GUCY1B1: variants seen among roughly 807,000 people sequenced by gnomAD.
The protein encoded by GUCY1B1 is guanylate cyclase soluble subunit beta-1.
Under a neutral mutation model 71.0 loss-of-function variants are expected in GUCY1B1, and 43 were observed. That is an observed-to-expected ratio of 0.61 (90% CI 0.47 to 0.78). The LOEUF (loss-of-function observed/expected upper bound fraction) is 0.78, where lower values mean the gene tolerates loss of function less well. Among genes scored for constraint, GUCY1B1 ranks in the 30% least tolerant of loss-of-function variants. The pLI, the probability that GUCY1B1 is intolerant of heterozygous loss-of-function variation, is 0.00. For missense variants in GUCY1B1, 535 were observed against 754.1 expected, an observed-to-expected ratio of 0.71 and a Z score of 3.40; for synonymous variants, 266 against 259.7, an observed-to-expected ratio of 1.02 and a Z score of -0.23.
Position 155,770,863 on chromosome 4 carries a change from T to A in GUCY1B1, c.78-4105T>A, listed in dbSNP as rs114669053. 4.0e-3 allele frequency among the ~76,000 whole-genome samples: 606 copies of A among 152,268 alleles called. 7 individuals are homozygous for A. The highest frequency in any genetic ancestry group is 0.014 in the African/African-American group (584 of 41,552). ...CAGCCCCTTCCTCTTGCATTTCCAC[T>A]CTCATGTCTTTATCCAGAGCTACCT... On this transcript the variant is annotated intron_variant, in intron 2 of 13. Coordinates refer to ENST00000264424, the MANE Select transcript of GUCY1B1 (RefSeq NM_000857.5).
intron 4 of GUCY1B1, among the ~76,000 whole-genome samples, chr4:155,785,975 C>T (rs1738732670): frequency 6.6e-6 from 1 of 151,988 alleles, no homozygotes; most frequent in South Asian, 2.1e-4. Flanking sequence ...TTTTGGTATC[C>T]TTTGGTGAGG....
At position 155,804,728 on chromosome 4, in the gene GUCY1B1, G is replaced by A; in HGVS notation, c.1690G>A (p.Val564Met). The change falls in exon 12 of 14, where the codon GTG becomes ATG. Residue 564 changes from valine to methionine, a missense_variant. Transcript: ENST00000264424. ...CACAGGAGAAAAGGGAAAAATAAATGTGTCTGAATATACATACAGGTGAGA... is the reference window on the plus strand; with the variant it reads ...CACAGGAGAAAAGGGAAAAATAAATATGTCTGAATATACATACAGGTGAGA... ...ETTGEKGKIN[V>M]SEYTYRCLMS... 6.2e-7 allele frequency: 1 copy of A among 1,612,940 alleles called. No homozygotes were observed. The highest frequency in any genetic ancestry group is 8.5e-7 in the Non-Finnish European group (1 of 1,179,282).
Position 155,802,264 on chromosome 4 carries a change from G to C in GUCY1B1, c.1176-78G>C. 2 of 1,587,060 alleles carry C rather than the reference G, an allele frequency of 1.3e-6. No individual in the cohort carries two copies. The highest frequency in any genetic ancestry group is 1.7e-6 in the Non-Finnish European group (2 of 1,168,058). On this transcript the variant is annotated intron_variant, in intron 9 of 13. Coordinates refer to ENST00000264424, the MANE Select transcript of GUCY1B1 (RefSeq NM_000857.5). The surrounding 1 kb of genome is among the most constrained non-coding windows in gnomAD (Gnocchi z 4.3). The stretch of plus-strand genomic sequence containing the variant: ...TTAAAGTACAAACGACACTGATGCT[G>C]TGTGAAAAGGACAGCAGAAGCACTA...
chr4:155,779,642 A>G (rs1161259046), intron 4 of GUCY1B1, among the ~76,000 whole-genome samples: 13 of 152,202 alleles, frequency 8.5e-5, no homozygotes, highest in Admixed American at 8.5e-4. Context: ...ATACATTTTA[A>G]GGGCAAATTG....
intron 6 of GUCY1B1, 134 bp downstream of exon 6, chr4:155,794,220 A>G (rs1739385715): frequency 1.8e-6 from 1 of 561,906 alleles, no homozygotes; most frequent in Non-Finnish European, 3.1e-6. Flanking sequence ...AGTTACACAA[A>G]TTGTTTAATT....
chr4:155,788,917 G>C (rs968669180), intron 4 of GUCY1B1, among the ~76,000 whole-genome samples: 1 of 151,164 alleles, frequency 6.6e-6, no homozygotes, highest in African/African-American at 2.4e-5. Context: ...ATCATCTTGG[G>C]CCACATAAAA....
intron 4 of GUCY1B1, among the ~76,000 whole-genome samples, chr4:155,784,535 G>T (rs1232098599): frequency 2.0e-5 from 3 of 152,016 alleles, no homozygotes; most frequent in African/African-American, 7.2e-5. Flanking sequence ...TTTTTCAGAG[G>T]TGTGAGGGAT....
chr4:155,759,941 C>T (rs1736857797), intron 2 of GUCY1B1, 81 bp downstream of exon 2: 2 of 1,036,052 alleles, frequency 1.9e-6, no homozygotes, highest in Non-Finnish European at 3.0e-6. Context: ...GGTCCTCAGC[C>T]TGCTGGCCGG....
intron 5 of GUCY1B1, among the ~76,000 whole-genome samples, chr4:155,793,055 C>T (rs895280231): frequency 2.6e-5 from 4 of 151,998 alleles, no homozygotes; most frequent in African/African-American, 9.7e-5. Flanking sequence ...TTTTCAGTAC[C>T]TTACCCAATT....
intron 4 of GUCY1B1, among the ~76,000 whole-genome samples, chr4:155,786,270 C>A (rs1738757927): frequency 1.2e-5 from 1 of 83,882 alleles, no homozygotes; most frequent in African/African-American, 7.1e-5. Context: ...GGTTCAATTT[C>A]CTTTTTTTTT....
Position 155,760,156 on chromosome 4 carries a change from A to C in GUCY1B1, c.77+296A>C, listed in dbSNP as rs1189499361. On this transcript the variant is annotated intron_variant, in intron 2 of 13. Transcript: ENST00000264424. ...GTGGGAACGCGCTGCCGGCGCTCCC[A>C]GGCTCAGCAGGCCGGGCAGCTCCCA... 2.6e-5 allele frequency among the ~76,000 whole-genome samples: 4 copies of C among 152,090 alleles called. No individual in the cohort carries two copies. The East Asian group carries it at 7.8e-4, about 30-fold the overall frequency.
chr4:155,791,354 A>G (rs1319592191), intron 5 of GUCY1B1, among the ~76,000 whole-genome samples: 2 of 149,452 alleles, frequency 1.3e-5, no homozygotes, highest in Non-Finnish European at 3.0e-5. Flanking sequence ...TGACCTCATG[A>G]TCCGCCCGGC....
chr4:155,780,735 T>G (rs1473546777), intron 4 of GUCY1B1, among the ~76,000 whole-genome samples: 1 of 106,664 alleles, frequency 9.4e-6, no homozygotes, highest in Non-Finnish European at 1.9e-5. Flanking sequence ...TCGAGTGAGA[T>G]CCTGTAATTT....
At chr4:155,806,282 G>A (rs544895151) in intron 13 of GUCY1B1, 104 bp from the exon 14 acceptor site, 4 of 691,528 alleles carry the variant, frequency 5.8e-6, no homozygotes, top group Middle Eastern at 2.5e-4. Context: ...AACTGTAGAT[G>A]TGAACGTGGA....
chr4:155,772,023 A>G (rs1446319573), intron 2 of GUCY1B1, among the ~76,000 whole-genome samples: 2 of 152,138 alleles, frequency 1.3e-5, no homozygotes, highest in Admixed American at 6.5e-5. Context: ...CCTTTCCTGT[A>G]CTTTATATAT....
At chr4:155,776,301 T>G (rs1177547632) in intron 3 of GUCY1B1, among the ~76,000 whole-genome samples, 3 of 152,196 alleles carry the variant, frequency 2.0e-5, no homozygotes, top group African/African-American at 7.2e-5. Flanking sequence ...TGTTTTCATG[T>G]CAGAGTTCCA....
intron 4 of GUCY1B1, among the ~76,000 whole-genome samples, chr4:155,778,814 T>G (rs911170963): frequency 1.3e-5 from 2 of 152,206 alleles, no homozygotes; most frequent in Non-Finnish European, 2.9e-5. Flanking sequence ...TGGGGGATTT[T>G]GGGTTTTTGA....
intron 4 of GUCY1B1, among the ~76,000 whole-genome samples, chr4:155,780,359 T>C (rs1215715367): frequency 6.6e-6 from 1 of 152,150 alleles, no homozygotes; most frequent in African/African-American, 2.4e-5. Context: ...TTCTATTAAT[T>C]CTGCAGGTAA....
At chr4:155,776,649 G>A (rs1053752327) in intron 3 of GUCY1B1, among the ~76,000 whole-genome samples, 5 of 152,030 alleles carry the variant, frequency 3.3e-5, no homozygotes, top group South Asian at 2.1e-4. Context: ...CAGCCTGGGC[G>A]ACAAAGTGAG....
Sources: allele counts gnomAD v4.1 joint callset (sites outside exome capture counted in the v4.1 genomes callset), GRCh38; gene constraint gnomAD v4.1.1; non-coding constraint Gnocchi (gnomAD v3.1); transcripts MANE v1.5; gene names NCBI Gene and HGNC (gene_info 2026-07-23, HGNC 2026-07-21).